Variants in GLRA3 observed in about 807,000 individuals in gnomAD.
The protein encoded by GLRA3 is glycine receptor subunit alpha-3.
In GLRA3, 44 loss-of-function variants were observed where a neutral mutation model predicts 60.4. The observed-to-expected ratio is 0.73, with a 90% CI of 0.57 to 0.94. GLRA3 has a LOEUF of 0.94. Among genes scored for constraint, GLRA3 ranks in the 40% least tolerant of loss-of-function variants. The pLI, the probability that GLRA3 is intolerant of heterozygous loss-of-function variation, is 0.00. For synonymous variants in GLRA3, 223 were observed against 192.9 expected (o/e 1.16, Z -1.29); for missense variants, 508 against 564.6 (o/e 0.90, Z 1.02).
chr4:174,682,523 T>C (rs1311675018), intron 6 of GLRA3, among the ~76,000 whole-genome samples: 1 of 152,202 alleles, frequency 6.6e-6, no homozygotes, highest in African/African-American at 2.4e-5. Flanking sequence ...ATTAAAGGAA[T>C]AGTTTTGGAA....
rs1460415658 is a variant in GLRA3 at position 174,751,283 on chromosome 4, A to G, written c.267+15680T>C. On this transcript the variant is annotated intron_variant, in intron 3 of 9. Coordinates refer to ENST00000274093, the MANE Select transcript of GLRA3 (RefSeq NM_006529.4). ...GAAGGAGACATCAAGAATGAACTCC[A>G]TGTAAATATTTTGAGAACAATTTTA... Among the ~76,000 whole-genome samples, 5 of 152,128 alleles carry G rather than the reference A, an allele frequency of 3.3e-5. No homozygotes were observed. The East Asian group carries it at 9.6e-4, about 29-fold the overall frequency.
At chr4:174,760,804 T>C (rs1443880402) in intron 3 of GLRA3, among the ~76,000 whole-genome samples, 2 of 152,170 alleles carry the variant, frequency 1.3e-5, no homozygotes, top group Admixed American at 1.3e-4. Flanking sequence ...ATCTGTAGTA[T>C]TGAAAACATT....
rs907478295 is a variant in GLRA3, at chr4:174,829,136, C to T, written c.-325G>A. 1.4e-5 allele frequency: 3 copies of T among 209,482 alleles called. No homozygotes were observed. The highest frequency in any genetic ancestry group is 6.9e-5 in the African/African-American group (3 of 43,376). The allele number at this position is 209,482 out of a possible 1,614,324, so 13.0% of individuals were successfully genotyped here. ...CAGCAAAGGAAGAATGTTCGTTCTTCCCTGACTGAGACCCAGGATTGGAGG... is the reference window on the plus strand; with the variant it reads ...CAGCAAAGGAAGAATGTTCGTTCTTTCCTGACTGAGACCCAGGATTGGAGG... On this transcript the variant is annotated 5_prime_UTR_variant, in exon 1 of 10. Transcript: ENST00000274093.
chr4:174,754,852 C>T (rs1405158930), intron 3 of GLRA3, among the ~76,000 whole-genome samples: 2 of 152,056 alleles, frequency 1.3e-5, no homozygotes, highest in Non-Finnish European at 2.9e-5. Context: ...TAAATAGGAG[C>T]TCTAATTTCT....
intron 5 of GLRA3, among the ~76,000 whole-genome samples, chr4:174,690,881 G>A (rs907071251): frequency 2.0e-5 from 3 of 152,190 alleles, no homozygotes. Context: ...TTTTCTATAT[G>A]TACCACATTT....
Position 174,767,030 on chromosome 4 carries a change from C to T in GLRA3, c.200G>A (p.Gly67Asp). The change falls in exon 3 of 10, where the codon GGC (glycine) becomes GAC (aspartate). Residue 67 changes from glycine (G) to aspartate (D), a missense_variant and splice_region_variant. Gly to Asp is a moderately conservative substitution (Grantham distance 94). Around this residue, in one of 3 missense-constraint regions of GLRA3, gnomAD observed 329 missense variants for 349.3 expected, o/e 0.94. Coordinates refer to ENST00000274093, the MANE Select transcript of GLRA3 (RefSeq NM_006529.4). ...YDARIRPNFKGPPVNVTCNIF... is the reference protein window; with the variant it reads ...YDARIRPNFKDPPVNVTCNIF... ...GTTGCATGTGACATTAACTGGAGGG[C>T]CTGAAAAAGAGATGAAAACATAAGG... is the stretch of plus-strand genomic sequence containing the variant. 1 of 1,580,514 alleles carries T rather than the reference C, an allele frequency of 6.3e-7. No homozygotes were observed. Among genetic ancestry groups the T allele is most frequent in the Non-Finnish European group, 8.7e-7 (1 of 1,151,642 alleles).
rs369790717 is a variant in GLRA3 at position 174,659,007 on chromosome 4, C to T, written c.1071+47G>A. The T allele has an allele frequency of 1.1e-5, 17 of 1,518,438 alleles. No individual in the cohort carries two copies. In the East Asian group the frequency reaches 3.2e-4, roughly 28 times the overall value. The allele number at this position is 1,518,438 out of a possible 1,614,324, so 94.1% of individuals were successfully genotyped here. A position where few individuals can be genotyped will look rare whatever the true frequency, so the allele number is the denominator to read the frequency against. On this transcript the variant is annotated intron_variant, in intron 8 of 9. Coordinates refer to ENST00000274093, the MANE Select transcript of GLRA3 (RefSeq NM_006529.4). ...CTATTAAATACAACAAATTCACTTT[C>T]GAGTGAAAACTGGATTCTGCCAAAC... is the stretch of plus-strand genomic sequence containing the variant.
In GLRA3 at chr4:174,692,908, T is replaced by A. The variant is rs543604147; in HGVS notation, c.575-9969A>T. 2.7e-5 allele frequency among the ~76,000 whole-genome samples: 4 copies of A among 147,518 alleles called. No individual in the cohort carries two copies. The East Asian group carries it at 8.0e-4, about 30-fold the overall frequency. The stretch of plus-strand genomic sequence containing the variant: ...GTCCTGTGACCCTGCCAAATTCCCC[T>A]CTGCGAGAAACACCCAAAAATGATC... On this transcript the variant is annotated intron_variant, in intron 5 of 9. Coordinates refer to ENST00000274093, the MANE Select transcript of GLRA3 (RefSeq NM_006529.4).
chr4:174,685,029 C>CAA (rs199981028), intron 5 of GLRA3, among the ~76,000 whole-genome samples: 7 of 150,878 alleles, frequency 4.6e-5, no homozygotes, highest in African/African-American at 1.7e-4. Flanking sequence ...CAAAACAAAG[C>CAA]AAAAAAAACA....
intron 5 of GLRA3, among the ~76,000 whole-genome samples, chr4:174,699,142 C>T (rs1579466562): frequency 6.6e-6 from 1 of 151,942 alleles, no homozygotes; most frequent in African/African-American, 2.4e-5. Context: ...GGACTACAGG[C>T]GTATGTCACC....
rs191788405 is a variant in GLRA3, at chr4:174,701,568, C to T, written c.574+13920G>A. Among the ~76,000 whole-genome samples, 51 of 152,246 alleles carry T rather than the reference C, an allele frequency of 3.3e-4. No individual in the cohort carries two copies. The East Asian group carries it at 5.4e-3, about 16-fold the overall frequency. On this transcript the variant is annotated intron_variant, in intron 5 of 9. Transcript: ENST00000274093. Reference sequence around the variant, plus strand: ...AAAACATTTTGTCCATTCTGTAAGGCTATAGCTGCCATAGATAGTGATTCC... The same window carrying T: ...AAAACATTTTGTCCATTCTGTAAGGTTATAGCTGCCATAGATAGTGATTCC...
chr4:174,804,799 T>C (rs911883847), intron 1 of GLRA3, among the ~76,000 whole-genome samples: 3 of 152,148 alleles, frequency 2.0e-5, no homozygotes, highest in Middle Eastern at 3.2e-3. Context: ...ATGAGCTTGA[T>C]GGGGTGGTGT....
chr4:174,806,112 T>A (rs1740039667), intron 1 of GLRA3, among the ~76,000 whole-genome samples: 1 of 152,186 alleles, frequency 6.6e-6, no homozygotes, highest in South Asian at 2.1e-4. Context: ...TGTAAACATT[T>A]TTGATAAATC....
intron 5 of GLRA3, among the ~76,000 whole-genome samples, chr4:174,689,696 A>C (rs1405908972): frequency 6.8e-6 from 1 of 146,098 alleles, no homozygotes; most frequent in Non-Finnish European, 1.5e-5. Flanking sequence ...GCTCTAGGCT[A>C]ACCTTGAATG....
In GLRA3 at chr4:174,828,768, T is replaced by C. The variant is rs1741084020; in HGVS notation, c.44A>G (p.Tyr15Cys). Residue 15 changes from tyrosine (Y) to cysteine (C), a missense_variant, in exon 1 of 10, where the codon TAC becomes TGC. By Grantham distance (194) the Tyr-to-Cys change is radical. Transcript: ENST00000274093. ...GAGTAACAGTGCTGCTTCCCAGAAG[T>C]AAAATCCCGAAACTAATGTCCGAAA... is the stretch of plus-strand genomic sequence containing the variant. ...RHFRTLVSGF[Y>C]FWEAALLLSL... 6.2e-7 allele frequency: 1 copy of C among 1,612,090 alleles called. No individual in the cohort carries two copies. The highest frequency in any genetic ancestry group is 8.5e-7 in the Non-Finnish European group (1 of 1,178,196).
At chr4:174,771,333 G>A (rs1471138092) in intron 2 of GLRA3, among the ~76,000 whole-genome samples, 1 of 152,056 alleles carries the variant, frequency 6.6e-6, no homozygotes, top group Non-Finnish European at 1.5e-5. Context: ...AGTCTAATAT[G>A]AACTCTGAAA....
chr4:174,758,472 A>G (rs1281089718), intron 3 of GLRA3, among the ~76,000 whole-genome samples: 2 of 152,070 alleles, frequency 1.3e-5, no homozygotes, highest in Non-Finnish European at 1.5e-5. Context: ...CCTGACTAAT[A>G]CTCAGGTTGA....
Position 174,809,850 on chromosome 4 carries a change from T to C in GLRA3, c.71+18891A>G, listed in dbSNP as rs188348537. 8.4e-3 allele frequency among the ~76,000 whole-genome samples: 1,273 copies of C among 152,280 alleles called. 8 individuals are homozygous for C. The highest frequency in any genetic ancestry group is 0.013 in the Non-Finnish European group (859 of 68,020). On this transcript the variant is annotated intron_variant, in intron 1 of 9. Coordinates refer to ENST00000274093, the MANE Select transcript of GLRA3 (RefSeq NM_006529.4). The stretch of plus-strand genomic sequence containing the variant: ...AGCATTAGAGTGCTATCCTCACCAT[T>C]TGATTTTTTAATCCATATGCAAATT...
intron 5 of GLRA3, among the ~76,000 whole-genome samples, chr4:174,711,920 T>C (rs1561071323): frequency 6.6e-6 from 1 of 152,206 alleles, no homozygotes; most frequent in Non-Finnish European, 1.5e-5. Context: ...TGTCAACATA[T>C]TGTTGGGTCT....
Sources: allele counts gnomAD v4.1 joint callset (sites outside exome capture counted in the v4.1 genomes callset), GRCh38; gene constraint gnomAD v4.1.1; regional missense constraint gnomAD v4.1.1; transcripts MANE v1.5; gene names NCBI Gene and HGNC (gene_info 2026-07-23, HGNC 2026-07-21).